Variants in ITPR1 observed in about 807,000 individuals in gnomAD.
The protein encoded by ITPR1 is inositol 1,4,5-trisphosphate receptor type 1.
A neutral mutation model predicts 318.4 loss-of-function variants in ITPR1; 96 were observed. The ratio of observed to expected loss-of-function variants is 0.30; its 90% CI spans 0.26 to 0.36. ITPR1 has a LOEUF of 0.36. Among genes scored for constraint, ITPR1 ranks in the 10% least tolerant of loss-of-function variants. The probability of loss-of-function intolerance (pLI) is 1.00; values close to 1 mark genes in which losing one functional copy is unlikely to be tolerated. For missense variants in ITPR1, 2,440 were observed against 3,460.2 expected (o/e 0.71, Z 7.40); for synonymous variants, 1,312 against 1,289.9 (o/e 1.02, Z -0.37).
At chr3:4,516,902 G>A (rs1014458422) in intron 3 of ITPR1, among the ~76,000 whole-genome samples, 21 of 152,192 alleles carry the variant, frequency 1.4e-4, no homozygotes, top group African/African-American at 5.1e-4. Flanking sequence ...GGAATAAAGT[G>A]TAAAGATGAA....
rs749012415 is a variant in ITPR1 at position 4,775,455 on chromosome 3, C to T, written c.6180+13C>T. The T allele has an allele frequency of 3.1e-6, 5 of 1,598,726 alleles. No homozygotes were observed. Among genetic ancestry groups the T allele is most frequent in the Admixed American group, 3.4e-5 (2 of 58,862 alleles). ...CCATGAGAACCAGGTAATTAAATTT[C>T]TGTTTTGGGATGGGGAAAAAAAGTG... On this transcript the variant is annotated intron_variant, in intron 47 of 61. Transcript: ENST00000649015.
At chr3:4,538,686 T>C (rs1480453827) in intron 4 of ITPR1, among the ~76,000 whole-genome samples, 3 of 152,162 alleles carry the variant, frequency 2.0e-5, no homozygotes, top group Admixed American at 6.5e-5. Flanking sequence ...GAAAATTTGG[T>C]ATATATACAC....
intron 4 of ITPR1, among the ~76,000 whole-genome samples, chr3:4,579,333 A>T (rs1342963912): frequency 6.6e-6 from 1 of 152,208 alleles, no homozygotes; most frequent in Non-Finnish European, 1.5e-5. Flanking sequence ...AATTTTGATG[A>T]TAATTTCTTA....
chr3:4,815,008 G>C (rs1323803314), intron 58 of ITPR1, 45 bp from the exon 59 acceptor site: 1 of 1,528,448 alleles, frequency 6.5e-7, no homozygotes, highest in African/African-American at 1.4e-5. Flanking sequence ...GCAGACCAAA[G>C]GGTCGCAAGG....
Position 4,752,456 on chromosome 3 carries a change from G to A in ITPR1, c.5545-14074G>A, listed in dbSNP as rs144842128. 2.1e-3 allele frequency among the ~76,000 whole-genome samples: 315 copies of A among 152,264 alleles called. 3 individuals are homozygous for A. Among genetic ancestry groups the A allele is most frequent in the African/African-American group, 7.2e-3 (300 of 41,536 alleles). ...CATCACAGAGTTACGTGCAAAAACC[G>A]GATAAGCCCGTAGAGGTGACAACAC... On this transcript the variant is annotated intron_variant, in intron 44 of 61. Coordinates refer to ENST00000649015, the MANE Select transcript of ITPR1 (RefSeq NM_001378452.1).
At chr3:4,523,206 A>G (rs1166969162) in intron 4 of ITPR1, among the ~76,000 whole-genome samples, 1 of 152,128 alleles carries the variant, frequency 6.6e-6, no homozygotes. Flanking sequence ...TGTTCTATAT[A>G]CGGGCCTTGG....
At position 4,691,187 on chromosome 3, in the gene ITPR1, T is replaced by G. The variant is rs1574879586; in HGVS notation, c.3872T>G (p.Phe1291Cys). The change falls in exon 32 of 62, where the codon TTC becomes TGC. Residue 1291 changes from phenylalanine to cysteine, a missense_variant. Phe to Cys is a radical substitution (Grantham distance 205). Around this residue, in one of 23 missense-constraint regions of ITPR1, gnomAD observed 222 missense variants for 318.8 expected, o/e 0.70. Coordinates refer to ENST00000649015, the MANE Select transcript of ITPR1 (RefSeq NM_001378452.1). The part of the protein sequence containing the change: ...VTMQHIFMNN[F>C]QLCSEINERV... The stretch of plus-strand genomic sequence containing the variant: ...ATGCAGCACATCTTCATGAACAATT[T>G]CCAGCTTTGCAGTGAGATCAACGAG... 2 of 1,613,186 alleles carry G rather than the reference T, an allele frequency of 1.2e-6. No homozygotes were observed. The highest frequency in any genetic ancestry group is 8.5e-7 in the Non-Finnish European group (1 of 1,179,412).
At chr3:4,730,266 G>T (rs1171391297) in intron 42 of ITPR1, among the ~76,000 whole-genome samples, 1 of 126,832 alleles carries the variant, frequency 7.9e-6, no homozygotes, top group Admixed American at 8.4e-5. Flanking sequence ...TTTCTTCCTT[G>T]CAGTTTAATT....
intron 4 of ITPR1, among the ~76,000 whole-genome samples, chr3:4,567,978 G>A (rs750792133): frequency 9.9e-6 from 1 of 101,378 alleles, no homozygotes; most frequent in Non-Finnish European, 2.1e-5. Context: ...ACGTAATTAA[G>A]GTGAGAGTGC....
chr3:4,690,804 C>T (rs772051828), intron 31 of ITPR1, among the ~76,000 whole-genome samples: 1 of 152,170 alleles, frequency 6.6e-6, no homozygotes, highest in Non-Finnish European at 1.5e-5. Flanking sequence ...ACAGGCAAAA[C>T]TAATCTGGTT....
intron 4 of ITPR1, among the ~76,000 whole-genome samples, chr3:4,554,232 T>G (rs1002386927): frequency 2.6e-5 from 4 of 152,186 alleles, no homozygotes; most frequent in African/African-American, 9.6e-5. Flanking sequence ...AATTCTGTTC[T>G]CTTTGATAGG....
intron 60 of ITPR1, among the ~76,000 whole-genome samples, chr3:4,836,142 C>T (rs2050897224): frequency 6.6e-6 from 1 of 152,122 alleles, no homozygotes. Flanking sequence ...CAAGTGTTTG[C>T]AAAAGGTTTT....
Position 4,607,931 on chromosome 3 carries a change from A to G in ITPR1, c.164-19832A>G, listed in dbSNP as rs552426910. Among the ~76,000 whole-genome samples, 43 of 152,236 alleles carry G rather than the reference A, an allele frequency of 2.8e-4. No individual in the cohort carries two copies. The South Asian group carries it at 7.7e-3, about 27-fold the overall frequency. On this transcript the variant is annotated intron_variant, in intron 4 of 61. Coordinates refer to ENST00000649015, the MANE Select transcript of ITPR1 (RefSeq NM_001378452.1). ...TAATGGCTGCCAATTGATTATGTCTACACCTTAGCAGAATTCAGGCTCGTC... is the reference window on the plus strand; with the variant it reads ...TAATGGCTGCCAATTGATTATGTCTGCACCTTAGCAGAATTCAGGCTCGTC...
intron 5 of ITPR1, among the ~76,000 whole-genome samples, chr3:4,631,457 G>A (rs936654047): frequency 9.2e-5 from 14 of 152,154 alleles, no homozygotes; most frequent in Admixed American, 6.5e-4. Flanking sequence ...GAAGTGTTCT[G>A]TTGTGTTTTT....
intron 4 of ITPR1, among the ~76,000 whole-genome samples, chr3:4,627,070 C>T (rs183992813): frequency 1.6e-4 from 25 of 152,176 alleles, no homozygotes; most frequent in Admixed American, 1.6e-3. Context: ...ATCCACCTGC[C>T]TCAGCCTCCC....
At position 4,676,865 on chromosome 3, in the gene ITPR1, C is replaced by A. The variant is rs1402957132; in HGVS notation, c.2967+64C>A. On this transcript the variant is annotated intron_variant, in intron 24 of 61. Coordinates refer to ENST00000649015, the MANE Select transcript of ITPR1 (RefSeq NM_001378452.1). Reference sequence around the variant, plus strand: ...ACAGAGGCGCCATTCAGATCCAGTCCCTCTGTTCTGATGGAGCCCAAGGCT... The same window carrying A: ...ACAGAGGCGCCATTCAGATCCAGTCACTCTGTTCTGATGGAGCCCAAGGCT... 3.1e-6 allele frequency: 4 copies of A among 1,294,698 alleles called. No individual in the cohort carries two copies. The African/African-American group carries it at 4.4e-5, about 14-fold the overall frequency. 80.2% of individuals were successfully genotyped at this position (1,294,698 alleles called of 1,614,324 possible).
intron 4 of ITPR1, 132 bp from the exon 5 acceptor site, chr3:4,627,631 T>C (rs2092878496): frequency 2.0e-5 from 12 of 592,488 alleles, no homozygotes; most frequent in South Asian, 6.3e-5. Flanking sequence ...CAAAGAGCTT[T>C]GTACTCTCAT....
intron 4 of ITPR1, among the ~76,000 whole-genome samples, chr3:4,530,119 T>A (rs751208065): frequency 6.6e-6 from 1 of 152,214 alleles, no homozygotes; most frequent in East Asian, 1.9e-4. Context: ...GTGAGCTGCA[T>A]TGACACAGAA....
intron 4 of ITPR1, among the ~76,000 whole-genome samples, chr3:4,580,713 C>G (rs1377335749): frequency 1.3e-5 from 2 of 152,156 alleles, no homozygotes; most frequent in Admixed American, 6.5e-5. Flanking sequence ...GTTGCTGAGC[C>G]CATTACAACA....
Sources: allele counts gnomAD v4.1 joint callset (sites outside exome capture counted in the v4.1 genomes callset), GRCh38; gene constraint gnomAD v4.1.1; regional missense constraint gnomAD v4.1.1; transcripts MANE v1.5; gene names NCBI Gene and HGNC (gene_info 2026-07-23, HGNC 2026-07-21).